Variants in RIMBP2 observed in about 807,000 individuals in gnomAD.
RIMBP2 encodes RIMS binding protein 2, also known as RIMS-binding protein 2.
In RIMBP2, 48 loss-of-function variants were observed where a neutral mutation model predicts 118.6. That is an observed-to-expected ratio of 0.40 (90% confidence interval 0.32 to 0.51). RIMBP2 has a LOEUF of 0.51. Ranked by LOEUF, RIMBP2 falls within the 20% of genes least tolerant of loss-of-function variation. The pLI is 0.41. For missense variants in RIMBP2, 1,551 were observed against 1,768.3 expected (o/e 0.88, Z 2.20); for synonymous variants, 762 against 742.9 (o/e 1.03, Z -0.42).
At chr12:130,591,759 A>G (rs2059283410) in intron 2 of RIMBP2, among the ~76,000 whole-genome samples, 1 of 152,242 alleles carries the variant, frequency 6.6e-6, no homozygotes, top group Non-Finnish European at 1.5e-5. Flanking sequence ...TTGAATTACA[A>G]CTGCAAAGAC....
intron 9 of RIMBP2, among the ~76,000 whole-genome samples, chr12:130,448,019 AG>A (rs1242557815): frequency 6.6e-6 from 1 of 151,902 alleles, no homozygotes; most frequent in Non-Finnish European, 1.5e-5. Flanking sequence ...GCCACCTCTT[AG>A]GGGCTCTGAG....
Position 130,420,187 on chromosome 12 carries a change from C to A in RIMBP2, c.3238+2266G>T, listed in dbSNP as rs1184692957. Among the ~76,000 whole-genome samples, 2 of 152,206 alleles carry A rather than the reference C, an allele frequency of 1.3e-5. No homozygotes were observed. Among genetic ancestry groups the A allele is most frequent in the Non-Finnish European group, 2.9e-5 (2 of 68,046 alleles). On this transcript the variant is annotated intron_variant, in intron 17 of 22. Coordinates refer to ENST00000690449, the MANE Select transcript of RIMBP2 (RefSeq NM_001393629.1). This position sits in a 1 kb window ranked among gnomAD's most constrained non-coding sequence, Gnocchi z 4.3. The stretch of plus-strand genomic sequence containing the variant: ...AAGCTCTTTGCCGAGTCCTCCTCCT[C>A]CTCAGGTGGGTGATAAGCACCCTCC...
intron 1 of RIMBP2, among the ~76,000 whole-genome samples, chr12:130,709,063 C>A (rs1324872396): frequency 7.9e-5 from 12 of 152,266 alleles, no homozygotes; most frequent in Admixed American, 2.0e-4. Context: ...CCGAGGAAGG[C>A]ACCCAGCAAC....
intron 2 of RIMBP2, among the ~76,000 whole-genome samples, chr12:130,610,420 A>C (rs1203712844): frequency 6.6e-6 from 1 of 152,356 alleles, no homozygotes; most frequent in East Asian, 1.9e-4. Context: ...TGCTTGTATA[A>C]TACTTAACAG....
At chr12:130,686,099 T>G (rs1175423759) in intron 1 of RIMBP2, among the ~76,000 whole-genome samples, 1 of 152,068 alleles carries the variant, frequency 6.6e-6, no homozygotes, top group Non-Finnish European at 1.5e-5. Flanking sequence ...GCTGGTTTTC[T>G]CCTCCCTTTA....
rs147981723 is a variant in RIMBP2, at chr12:130,397,893, C to T, written c.3901-344G>A. 1,107 of 177,782 alleles carry T rather than the reference C, an allele frequency of 6.2e-3. 33 individuals are homozygous for T. The highest frequency in any genetic ancestry group is 0.058 in the Admixed American group (919 of 15,928). The allele number at this position is 177,782 out of a possible 1,614,324, so 11.0% of individuals were successfully genotyped here. A position where few individuals can be genotyped will look rare whatever the true frequency, so the allele number is the denominator to read the frequency against. On this transcript the variant is annotated intron_variant, in intron 22 of 22. Coordinates refer to ENST00000690449, the MANE Select transcript of RIMBP2 (RefSeq NM_001393629.1). ...GGTTGATAGTAAAGTTGGCCGAGTA[C>T]CCATCAGTAGTCTTAAAAAGCGAAA... is the stretch of plus-strand genomic sequence containing the variant.
intron 2 of RIMBP2, among the ~76,000 whole-genome samples, chr12:130,573,435 T>C (rs1451409695): frequency 6.6e-6 from 1 of 151,702 alleles, no homozygotes; most frequent in Non-Finnish European, 1.5e-5. Flanking sequence ...TGCGTGGGTG[T>C]GTGCGTGGGT....
intron 6 of RIMBP2, chr12:130,465,402 C>A (rs11060904): frequency 0.021 from 3,178 of 152,590 alleles, 92 homozygotes; most frequent in East Asian, 0.16. Flanking sequence ...ACACGCCAAG[C>A]ACACAGCACT....
intron 6 of RIMBP2, among the ~76,000 whole-genome samples, chr12:130,458,834 C>G (rs539194300): frequency 6.6e-6 from 1 of 152,192 alleles, no homozygotes; most frequent in South Asian, 2.1e-4. Flanking sequence ...CACCTGAGCT[C>G]AGGAGTTCGA....
intron 4 of RIMBP2, among the ~76,000 whole-genome samples, chr12:130,499,871 C>T (rs999930690): frequency 1.3e-5 from 2 of 152,208 alleles, no homozygotes; most frequent in African/African-American, 2.4e-5. Flanking sequence ...AACTAGAAAG[C>T]GTTTGATGCA....
At chr12:130,527,051 C>T (rs999776869) in intron 2 of RIMBP2, among the ~76,000 whole-genome samples, 11 of 152,088 alleles carry the variant, frequency 7.2e-5, no homozygotes, top group Admixed American at 2.6e-4. Context: ...CTCCCGCCCG[C>T]CCCTTGAGGT....
rs747461990 is a variant in RIMBP2 at position 130,442,283 on chromosome 12, T to C, written c.1069A>G (p.Thr357Ala). Residue 357 changes from threonine (T) to alanine (A), a missense_variant, in exon 11 of 23, where the codon ACA becomes GCA. Physicochemically the swap from Thr to Ala is moderately conservative, Grantham distance 58 (BLOSUM62 0). Transcript: ENST00000690449. The surrounding 1 kb of genome is among the most constrained non-coding windows in gnomAD (Gnocchi z 6.9). ...CTCCCCAGCGTGAGGTTCATGCGTG[T>C]CTCCTTGTCCACCAGGACGTTGTAG... is the stretch of plus-strand genomic sequence containing the variant. Reference protein sequence around the residue: ...SSYNVLVDKETRMNLTLGSRT... With the variant: ...SSYNVLVDKEARMNLTLGSRT... 9.3e-6 allele frequency: 15 copies of C among 1,614,076 alleles called. No homozygotes were observed. The South Asian group carries it at 1.6e-4, about 18-fold the overall frequency.
intron 1 of RIMBP2, among the ~76,000 whole-genome samples, chr12:130,673,973 C>A (rs1331513485): frequency 6.8e-6 from 1 of 146,782 alleles, no homozygotes; most frequent in Non-Finnish European, 1.5e-5. Context: ...AAAAAATTAG[C>A]CAGGTGGCGT....
chr12:130,496,983 A>G (rs1427142457), intron 4 of RIMBP2, among the ~76,000 whole-genome samples: 1 of 152,158 alleles, frequency 6.6e-6, no homozygotes, highest in Non-Finnish European at 1.5e-5. Context: ...AGGTGTGGAC[A>G]GGGCCATGTA....
chr12:130,547,208 T>A (rs2055262153), intron 2 of RIMBP2, among the ~76,000 whole-genome samples: 1 of 152,204 alleles, frequency 6.6e-6, no homozygotes, highest in South Asian at 2.1e-4. Context: ...GCTCTTTTAA[T>A]ATTGAAGACA....
chr12:130,627,045 C>T (rs1409241794), intron 2 of RIMBP2, among the ~76,000 whole-genome samples: 1 of 152,154 alleles, frequency 6.6e-6, no homozygotes, highest in Non-Finnish European at 1.5e-5. Context: ...CTACCACCAG[C>T]ATCCCCATCT....
At chr12:130,490,172 T>C (rs1049183077) in intron 4 of RIMBP2, among the ~76,000 whole-genome samples, 1 of 150,950 alleles carries the variant, frequency 6.6e-6, no homozygotes, top group Admixed American at 6.6e-5. Context: ...TTAAGTAATG[T>C]TGAGGGGGTT....
intron 1 of RIMBP2, among the ~76,000 whole-genome samples, chr12:130,632,369 C>T (rs1479886656): frequency 1.3e-5 from 2 of 151,942 alleles, no homozygotes; most frequent in African/African-American, 2.4e-5. Flanking sequence ...CAGGAAGTCA[C>T]GATAATCTGC....
At chr12:130,497,710 G>A (rs577235236) in intron 4 of RIMBP2, among the ~76,000 whole-genome samples, 2 of 152,324 alleles carry the variant, frequency 1.3e-5, no homozygotes, top group South Asian at 4.1e-4. Flanking sequence ...AAAGCCCAAT[G>A]CGTTTTTTAT....
Sources: allele counts gnomAD v4.1 joint callset (sites outside exome capture counted in the v4.1 genomes callset), GRCh38; gene constraint gnomAD v4.1.1; non-coding constraint Gnocchi (gnomAD v3.1); transcripts MANE v1.5; gene names NCBI Gene and HGNC (gene_info 2026-07-23, HGNC 2026-07-21).